The following GPR162 variants were observed in gnomAD, a reference collection of about 807,000 sequenced individuals.
The protein encoded by GPR162 is probable G protein-coupled receptor 162.
GPR162 carries 26 observed loss-of-function variants against 44.9 expected under a neutral mutation model. That is an observed-to-expected ratio of 0.58 (90% confidence interval 0.42 to 0.80). GPR162 has a LOEUF of 0.80. Ranked by LOEUF, GPR162 falls within the 30% of genes least tolerant of loss-of-function variation. The pLI is 0.00. For synonymous variants in GPR162, 363 were observed against 335.2 expected, an observed-to-expected ratio of 1.08 and a Z score of -0.91; for missense variants, 704 against 802.3, an observed-to-expected ratio of 0.88 and a Z score of 1.48.
chr12:6,823,680 A>G lies in GPR162; in HGVS notation c.-219A>G. On this transcript the variant is annotated 5_prime_UTR_variant, in exon 2 of 5. Transcript: ENST00000311268. ...GCCCCGCCCAGTATGAAAGCTGAGGATTGCCTCTGCTGACCCTCAGTCTCC... is the reference window on the plus strand; with the variant it reads ...GCCCCGCCCAGTATGAAAGCTGAGGGTTGCCTCTGCTGACCCTCAGTCTCC... 1 of 1,334,316 alleles carries G rather than the reference A, an allele frequency of 7.5e-7. No individual in the cohort carries two copies. Among genetic ancestry groups the G allele is most frequent in the Non-Finnish European group, 1.1e-6 (1 of 946,158 alleles). 82.7% of individuals were successfully genotyped at this position (1,334,316 alleles called of 1,614,324 possible).
chr12:6,825,608 G>A lies in GPR162; in HGVS notation c.992G>A (p.Arg331His). 2.5e-6 allele frequency: 4 copies of A among 1,592,978 alleles called. No homozygotes were observed. The highest frequency in any genetic ancestry group is 3.4e-6 in the Non-Finnish European group (4 of 1,169,802). ...PSFIWSCERY[R>H]ADVRTVWEQC... ...TTCATCTGGTCCTGCGAGCGCTACC[G>A]CGCCGACGTGCGCACAGTGTGGGAG... The change falls in exon 3 of 5, where the codon CGC (arginine) becomes CAC (histidine). Residue 331 changes from arginine to histidine, a missense_variant. Transcript: ENST00000311268.
intron 1 of GPR162, 81 bp from the exon 2 acceptor site, chr12:6,823,386 AG>A (rs1158843933): frequency 1.5e-5 from 4 of 264,436 alleles, no homozygotes; most frequent in African/African-American, 8.9e-5. Context: ...GTTTCAAGAA[AG>A]GGGGCACAGG....
At chr12:6,824,966 T>A (rs1311049853) in intron 2 of GPR162, 5 of 702,076 alleles carry the variant, frequency 7.1e-6, no homozygotes, top group Admixed American at 2.0e-5. Context: ...CACTACCCTG[T>A]TTACCCCAGC....
In GPR162 at chr12:6,826,367, G is replaced by A. The variant is rs1555120071; in HGVS notation, c.1215+14G>A. 2 of 1,601,354 alleles carry A rather than the reference G, an allele frequency of 1.2e-6. No homozygotes were observed. The highest frequency in any genetic ancestry group is 1.1e-5 in the South Asian group (1 of 90,414). Reference sequence around the variant, plus strand: ...CACTACTTACAGGTATGGAACTGGGGGATACATCTCCTACCCTTGGTGCCG... The same window carrying A: ...CACTACTTACAGGTATGGAACTGGGAGATACATCTCCTACCCTTGGTGCCG... On this transcript the variant is annotated intron_variant, in intron 4 of 4. Coordinates refer to ENST00000311268, the MANE Select transcript of GPR162 (RefSeq NM_019858.2).
intron 1 of GPR162, 102 bp from the exon 2 acceptor site, chr12:6,823,366 C>A: frequency 4.4e-6 from 1 of 225,670 alleles, no homozygotes; most frequent in Non-Finnish European, 8.6e-6. Context: ...AGTAATCAGT[C>A]ATGCCTATAG....
chr12:6,827,131 G>T lies in GPR162; in HGVS notation c.1694G>T (p.Gly565Val), dbSNP rs141374776. ...GGGAGACGCTGCTCCCTGACGGGGGGTGAAGAAAGTGCAAGGGCTTGGGGA... is the reference window on the plus strand; with the variant it reads ...GGGAGACGCTGCTCCCTGACGGGGGTTGAAGAAAGTGCAAGGGCTTGGGGA... ...SAGRRCSLTGGEESARAWGGS... is the reference protein window; with the variant it reads ...SAGRRCSLTGVEESARAWGGS... Residue 565 changes from glycine (G) to valine (V), a missense_variant, in exon 5 of 5, where the codon GGT becomes GTT. Around this residue, in one of 6 missense-constraint regions of GPR162, gnomAD observed 404 missense variants for 314.1 expected, o/e 1.29. Coordinates refer to ENST00000311268, the MANE Select transcript of GPR162 (RefSeq NM_019858.2). The T allele has an allele frequency of 1.9e-6, 3 of 1,613,324 alleles. No homozygotes were observed. The East Asian group carries it at 6.7e-5, about 36-fold the overall frequency.
At position 6,824,310 on chromosome 12, in the gene GPR162, G is replaced by C; in HGVS notation, c.412G>C (p.Val138Leu). The change falls in exon 2 of 5, where the codon GTC becomes CTC. Residue 138 changes from valine (V) to leucine (L), a missense_variant. Physicochemically the swap from Val to Leu is conservative, Grantham distance 32. Coordinates refer to ENST00000311268, the MANE Select transcript of GPR162 (RefSeq NM_019858.2). The part of the protein sequence containing the change: ...SNAKKQALHA[V>L]MGIWMVSFIL... ...CGCCAAGAAGCAGGCACTGCATGCC[G>C]TCATGGGCATCTGGATGGTCAGCTT... 1 of 1,614,022 alleles carries C rather than the reference G, an allele frequency of 6.2e-7. No individual in the cohort carries two copies. Among genetic ancestry groups the C allele is most frequent in the South Asian group, 1.1e-5 (1 of 91,088 alleles).
At chr12:6,826,557 T>C in intron 4 of GPR162, 96 bp from the exon 5 acceptor site, 1 of 1,226,384 alleles carries the variant, frequency 8.2e-7, no homozygotes, top group Non-Finnish European at 1.1e-6. Flanking sequence ...TTTTGAAGGT[T>C]AAGAAGGTGG....
At position 6,825,401 on chromosome 12, in the gene GPR162, G is replaced by A. The variant is rs782747164; in HGVS notation, c.868-83G>A. Reference sequence around the variant, plus strand: ...GATCAGGCATTACTTCTGACGTCTTGCCCACCAGCTGCACTAGGATATGGG... The same window carrying A: ...GATCAGGCATTACTTCTGACGTCTTACCCACCAGCTGCACTAGGATATGGG... On this transcript the variant is annotated intron_variant, in intron 2 of 4. Transcript: ENST00000311268. 70 of 805,608 alleles carry A rather than the reference G, an allele frequency of 8.7e-5. No homozygotes were observed. The South Asian group carries it at 1.1e-3, about 12-fold the overall frequency. 49.9% of individuals were successfully genotyped at this position (805,608 alleles called of 1,614,324 possible). A position where few individuals can be genotyped will look rare whatever the true frequency, so the allele number is the denominator to read the frequency against.
Position 6,824,127 on chromosome 12 carries a change from C to T in GPR162, c.229C>T (p.Arg77Cys). Residue 77 changes from arginine (R) to cysteine (C), a missense_variant, in exon 2 of 5, where the codon CGT (arginine) becomes TGT (cysteine). Transcript: ENST00000311268. Reference sequence around the variant, plus strand: ...CACCTTTGCCGTGGTGCAGCTGCGTCGTCAGGCTTCCTCCGACTATGACTG... The same window carrying T: ...CACCTTTGCCGTGGTGCAGCTGCGTTGTCAGGCTTCCTCCGACTATGACTG... ...LTTFAVVQLR[R>C]QASSDYDWNE... The T allele has an allele frequency of 1.2e-6, 2 of 1,614,038 alleles. No individual in the cohort carries two copies. Among genetic ancestry groups the T allele is most frequent in the Non-Finnish European group, 1.7e-6 (2 of 1,180,042 alleles).
rs782079170 is a variant in GPR162, at chr12:6,827,048, A to C, written c.1611A>C (p.Arg537=). Residue 537 remains arginine (R), a synonymous_variant, in exon 5 of 5, where the codon CGA becomes CGC. Coordinates refer to ENST00000311268, the MANE Select transcript of GPR162 (RefSeq NM_019858.2). ...GGCCACTGGGCCTCTCACCCCGCCG[A>C]CTCTCCCTTGGGTCCCCTGAGAGCA... The part of the protein sequence containing the change: ...RPRPLGLSPR[R]LSLGSPESRA... 1.8e-5 allele frequency: 29 copies of C among 1,612,194 alleles called. No individual in the cohort carries two copies. In the African/African-American group the frequency reaches 3.6e-4, roughly 20 times the overall value.
Position 6,824,895 on chromosome 12 carries a change from T to C in GPR162, c.867+130T>C, listed in dbSNP as rs1320270999. ...TCCAGTTCCATCATCCATCTTCCTC[T>C]CCTCTGTCCATCCCCCACTCCATTT... On this transcript the variant is annotated intron_variant, in intron 2 of 4. Transcript: ENST00000311268. 7.8e-6 allele frequency: 6 copies of C among 771,620 alleles called. No individual in the cohort carries two copies. The Admixed American group carries it at 1.2e-4, about 15-fold the overall frequency. 47.8% of individuals were successfully genotyped at this position (771,620 alleles called of 1,614,324 possible).
At position 6,826,772 on chromosome 12, in the gene GPR162, G is replaced by C; in HGVS notation, c.1335G>C (p.Gln445His). The change falls in exon 5 of 5, where the codon CAG becomes CAC. Residue 445 changes from glutamine to histidine, a missense_variant. Gln to His is a conservative substitution (Grantham distance 24, BLOSUM62 0). Transcript: ENST00000311268. ...ATGACATCCGGGTCCTCCCAGCCCA[G>C]AGCCGGGCCCTCGGGGGTCCTCCTG... Reference protein sequence around the residue: ...SSDDIRVLPAQSRALGGPPEY... With the variant: ...SSDDIRVLPAHSRALGGPPEY... 1 of 1,609,160 alleles carries C rather than the reference G, an allele frequency of 6.2e-7. No individual in the cohort carries two copies.
At position 6,823,389 on chromosome 12, in the gene GPR162, G is replaced by A. The variant is rs117711782; in HGVS notation, c.-431-79G>A. 140 of 271,924 alleles carry A rather than the reference G, an allele frequency of 5.1e-4. No individual in the cohort carries two copies. In the East Asian group the frequency reaches 9.2e-3, roughly 18 times the overall value. 16.8% of individuals were successfully genotyped at this position (271,924 alleles called of 1,614,324 possible). A position where few individuals can be genotyped will look rare whatever the true frequency, so the allele number is the denominator to read the frequency against. On this transcript the variant is annotated intron_variant, in intron 1 of 4. Transcript: ENST00000311268. ...GTCATGCCTATAGTTTCAAGAAAGGGGGCACAGGAGGCTGATTGGAGACCA... is the reference window on the plus strand; with the variant it reads ...GTCATGCCTATAGTTTCAAGAAAGGAGGCACAGGAGGCTGATTGGAGACCA...
chr12:6,825,720 C>G, intron 3 of GPR162, 47 bp downstream of exon 3: 1 of 1,467,292 alleles, frequency 6.8e-7, no homozygotes, highest in Non-Finnish European at 9.3e-7. Flanking sequence ...TCTGTCTATT[C>G]CCTTTTCTGC....
intron 4 of GPR162, 134 bp downstream of exon 4, chr12:6,826,487 A>G (rs937792572): frequency 1.8e-6 from 2 of 1,094,234 alleles, no homozygotes; most frequent in African/African-American, 3.1e-5. Context: ...AAAGAAAGCT[A>G]TAGCAAGAGA....
chr12:6,823,072 C>T (rs1218033591), intron 1 of GPR162, among the ~76,000 whole-genome samples: 2 of 152,188 alleles, frequency 1.3e-5, no homozygotes, highest in African/African-American at 4.8e-5. Flanking sequence ...ATGCCATATC[C>T]CAGTTCACTG....
At chr12:6,825,088 C>A in intron 2 of GPR162, 1 of 571,928 alleles carries the variant, frequency 1.7e-6, no homozygotes, top group East Asian at 3.9e-5. Context: ...AGCCGCAGAC[C>A]TCTCATCCAG....
chr12:6,823,403 G>A (rs1200246183), intron 1 of GPR162, 65 bp from the exon 2 acceptor site: 4 of 298,248 alleles, frequency 1.3e-5, no homozygotes, highest in African/African-American at 8.7e-5. Flanking sequence ...ACAGGAGGCT[G>A]ATTGGAGACC....
Sources: gnomAD v4.1 joint callset for allele counts (sites outside exome capture counted in the v4.1 genomes callset) on GRCh38, gnomAD v4.1.1 for gene constraint, gnomAD v4.1.1 regional missense constraint, MANE v1.5 for transcripts, NCBI Gene and HGNC (gene_info 2026-07-23, HGNC 2026-07-21) for gene names.